ENTPD7: variants seen among roughly 807,000 people sequenced by gnomAD.
The protein encoded by ENTPD7 is ectonucleoside triphosphate diphosphohydrolase 7.
A neutral mutation model predicts 77.9 loss-of-function variants in ENTPD7; 53 were observed. The ratio of observed to expected loss-of-function variants is 0.68; its 90% CI spans 0.55 to 0.85. The LOEUF (loss-of-function observed/expected upper bound fraction) is 0.85, where lower values mean the gene tolerates loss of function less well. Among genes scored for constraint, ENTPD7 ranks in the 40% least tolerant of loss-of-function variants. The pLI, the probability that ENTPD7 is intolerant of heterozygous loss-of-function variation, is 0.00. For missense variants in ENTPD7, 636 were observed against 743.7 expected, an observed-to-expected ratio of 0.86 and a Z score of 1.68; for synonymous variants, 248 against 274.9, an observed-to-expected ratio of 0.90 and a Z score of 0.97.
At chr10:99,694,266 T>G (rs1243271177) in intron 8 of ENTPD7, among the ~76,000 whole-genome samples, 3 of 152,204 alleles carry the variant, frequency 2.0e-5, no homozygotes, top group Non-Finnish European at 4.4e-5. Context: ...TTCCGGACAT[T>G]TTGTATAAAT....
chr10:99,701,835 T>A (rs544343785), intron 11 of ENTPD7, among the ~76,000 whole-genome samples: 1 of 150,994 alleles, frequency 6.6e-6, no homozygotes, highest in South Asian at 2.1e-4. Flanking sequence ...ATCACCTGAG[T>A]TCAGGAGTTC....
At chr10:99,678,812 A>C (rs2035717410) in intron 3 of ENTPD7, among the ~76,000 whole-genome samples, 1 of 149,788 alleles carries the variant, frequency 6.7e-6, no homozygotes, top group South Asian at 2.1e-4. Flanking sequence ...GAAACTCATT[A>C]AATGAGAAAT....
At chr10:99,682,199 G>GTTTTTTTTTTT (rs11452695) in intron 5 of ENTPD7, among the ~76,000 whole-genome samples, 1 of 145,318 alleles carries the variant, frequency 6.9e-6, no homozygotes. Flanking sequence ...GTCAACAGCA[G>GTTTTTTTTTTT]TTTTTTTTTT....
rs372921079 is a variant in ENTPD7, at chr10:99,659,997, C to G, written c.8+33C>G. 1.5e-5 allele frequency: 25 copies of G among 1,613,538 alleles called. No individual in the cohort carries two copies. Among genetic ancestry groups the G allele is most frequent in the Non-Finnish European group, 2.1e-5 (25 of 1,179,878 alleles). On this transcript the variant is annotated intron_variant, in intron 2 of 12. Transcript: ENST00000370489. The surrounding 1 kb of genome is among the most constrained non-coding windows in gnomAD (Gnocchi z 4.1). ...TGCACACTTTCCCTCCGGCTGGGAG[C>G]ACGGCAGAGGATGGCAGGCAGGTTG...
At position 99,706,461 on chromosome 10, in the gene ENTPD7, G is replaced by C. The variant is rs1265104841; in HGVS notation, c.*1778G>C. Among the ~76,000 whole-genome samples, 1 of 151,722 alleles carries C rather than the reference G, an allele frequency of 6.6e-6. No individual in the cohort carries two copies. The highest frequency in any genetic ancestry group is 1.5e-5 in the Non-Finnish European group (1 of 67,982). Reference sequence around the variant, plus strand: ...AACAGTCCTCCCAACTCAGACTCCAGAGTAGCTGGGACTACAGGTGTGCGC... The same window carrying C: ...AACAGTCCTCCCAACTCAGACTCCACAGTAGCTGGGACTACAGGTGTGCGC... On this transcript the variant is annotated 3_prime_UTR_variant, in exon 13 of 13. Coordinates refer to ENST00000370489, the MANE Select transcript of ENTPD7 (RefSeq NM_020354.5).
intron 6 of ENTPD7, among the ~76,000 whole-genome samples, chr10:99,687,650 T>C (rs553993447): frequency 3.9e-5 from 6 of 152,306 alleles, no homozygotes; most frequent in Admixed American, 3.9e-4. Context: ...ACCTGGGCAG[T>C]GGCCTAGCCT....
chr10:99,701,814 G>C (rs1367059310), intron 11 of ENTPD7, among the ~76,000 whole-genome samples: 2 of 151,904 alleles, frequency 1.3e-5, no homozygotes, highest in African/African-American at 4.8e-5. Context: ...TTGGGAGGCT[G>C]AGGTGGGTGG....
intron 6 of ENTPD7, among the ~76,000 whole-genome samples, chr10:99,688,355 G>A (rs1319500964): frequency 1.3e-5 from 2 of 152,098 alleles, no homozygotes; most frequent in Non-Finnish European, 2.9e-5. Context: ...GTTTATATTT[G>A]TATTCAGTGG....
chr10:99,686,084 C>T (rs892925343), intron 6 of ENTPD7, among the ~76,000 whole-genome samples, 189 bp downstream of exon 6: 1 of 152,094 alleles, frequency 6.6e-6, no homozygotes, highest in African/African-American at 2.4e-5. Context: ...AATGCTGGTT[C>T]TGGAAGTCAA....
intron 9 of ENTPD7, 37 bp from the exon 10 acceptor site, chr10:99,698,497 G>C (rs904501165): frequency 2.6e-6 from 4 of 1,563,476 alleles, no homozygotes; most frequent in African/African-American, 1.3e-5. Flanking sequence ...CAGGCATGAC[G>C]TGTTTGTTTG....
intron 3 of ENTPD7, among the ~76,000 whole-genome samples, chr10:99,668,911 T>C (rs1465829361): frequency 6.6e-6 from 1 of 152,164 alleles, no homozygotes; most frequent in Non-Finnish European, 1.5e-5. Context: ...CTTTGTGGTG[T>C]CCCTCAGAAA....
rs2036308967 is a variant in ENTPD7 at position 99,709,102 on chromosome 10, T to C, written c.*4419T>C. The C allele has an allele frequency of 1.0e-6, 1 of 981,874 alleles. No individual in the cohort carries two copies. The highest frequency in any genetic ancestry group is 1.7e-5 in the African/African-American group (1 of 57,160). 60.8% of individuals were successfully genotyped at this position (981,874 alleles called of 1,614,324 possible). ...TTTATACATCTTTTTAAAACAATTT[T>C]ATACAATTTCCTTTACTACAACATC... On this transcript the variant is annotated 3_prime_UTR_variant, in exon 13 of 13. Transcript: ENST00000370489.
At chr10:99,696,978 A>G (rs1390775198) in intron 9 of ENTPD7, among the ~76,000 whole-genome samples, 1 of 152,222 alleles carries the variant, frequency 6.6e-6, no homozygotes, top group East Asian at 1.9e-4. Context: ...GGCAGGGCTG[A>G]TACTAAGCAA....
rs775580618 is a variant in ENTPD7 at position 99,685,840 on chromosome 10, G to C, written c.597G>C (p.Glu199Asp). 4 of 1,613,818 alleles carry C rather than the reference G, an allele frequency of 2.5e-6. No homozygotes were observed. Among genetic ancestry groups the C allele is most frequent in the Non-Finnish European group, 3.4e-6 (4 of 1,179,970 alleles). Residue 199 changes from glutamate to aspartate, a missense_variant, in exon 6 of 13, where the codon GAG becomes GAC. Physicochemically the swap from Glu to Asp is conservative, Grantham distance 45 (BLOSUM62 2). Around this residue, in one of 3 missense-constraint regions of ENTPD7, gnomAD observed 486 missense variants for 556.5 expected, o/e 0.87. Transcript: ENST00000370489. The part of the protein sequence containing the change: ...LADLVKDLPL[E>D]FDFLFSQSQA... Reference sequence around the variant, plus strand: ...ACCTAGTGAAAGATTTACCACTGGAGTTTGACTTCCTCTTTTCACAGTCTC... The same window carrying C: ...ACCTAGTGAAAGATTTACCACTGGACTTTGACTTCCTCTTTTCACAGTCTC...
chr10:99,682,112 T>C (rs2035761339), intron 5 of ENTPD7, among the ~76,000 whole-genome samples: 1 of 152,192 alleles, frequency 6.6e-6, no homozygotes, highest in African/African-American at 2.4e-5. Context: ...ACCTTAACTT[T>C]AGAATTCATC....
chr10:99,666,171 G>A (rs541572944), intron 3 of ENTPD7, among the ~76,000 whole-genome samples: 1 of 152,008 alleles, frequency 6.6e-6, no homozygotes, highest in Non-Finnish European at 1.5e-5. Flanking sequence ...GGAAGGCTTT[G>A]AAAGGTTTTG....
At chr10:99,681,786 A>G (rs2035757302) in intron 5 of ENTPD7, among the ~76,000 whole-genome samples, 1 of 152,156 alleles carries the variant, frequency 6.6e-6, no homozygotes, top group African/African-American at 2.4e-5. Flanking sequence ...CCTGATGACT[A>G]GGGATGTTGA....
chr10:99,671,228 T>C (rs61870362), intron 3 of ENTPD7, among the ~76,000 whole-genome samples: 3,393 of 152,072 alleles, frequency 0.022, 48 homozygotes, highest in Non-Finnish European at 0.035. Flanking sequence ...CTTTCTTCAA[T>C]AATAAATTAA....
At chr10:99,664,510 C>T (rs1435345438) in intron 3 of ENTPD7, among the ~76,000 whole-genome samples, 3 of 147,104 alleles carry the variant, frequency 2.0e-5, no homozygotes, top group Non-Finnish European at 3.0e-5. Flanking sequence ...AGTGCAGTGG[C>T]GCTGTCTCAG....
Sources: allele counts gnomAD v4.1 joint callset (sites outside exome capture counted in the v4.1 genomes callset), GRCh38; gene constraint gnomAD v4.1.1; regional missense constraint gnomAD v4.1.1; non-coding constraint Gnocchi (gnomAD v3.1); transcripts MANE v1.5; gene names NCBI Gene and HGNC (gene_info 2026-07-23, HGNC 2026-07-21).